Variants in RPS6KA2 observed in about 807,000 individuals in gnomAD.
The protein encoded by RPS6KA2 is ribosomal protein S6 kinase A2.
Under a neutral mutation model 91.8 loss-of-function variants are expected in RPS6KA2, and 42 were observed. The observed-to-expected ratio is 0.46, with a 90% confidence interval of 0.36 to 0.59. The LOEUF (loss-of-function observed/expected upper bound fraction) is 0.59, where lower values mean the gene tolerates loss of function less well. Among genes scored for constraint, RPS6KA2 ranks in the 20% least tolerant of loss-of-function variants. The pLI, the probability that RPS6KA2 is intolerant of heterozygous loss-of-function variation, is 0.00. For synonymous variants in RPS6KA2, 414 were observed against 393.6 expected (o/e 1.05, Z -0.61); for missense variants, 798 against 978.5 (o/e 0.82, Z 2.46).
At chr6:166,614,115 C>A (rs142407922) in intron 1 of RPS6KA2, among the ~76,000 whole-genome samples, 2 of 152,226 alleles carry the variant, frequency 1.3e-5, no homozygotes, top group Admixed American at 6.5e-5. Context: ...TTCAGCCCTG[C>A]GGAGATGTCT....
At chr6:166,790,479 C>G (rs913458238) in intron 2 of RPS6KA2, among the ~76,000 whole-genome samples, 4 of 152,104 alleles carry the variant, frequency 2.6e-5, no homozygotes, top group Non-Finnish European at 5.9e-5. Flanking sequence ...TCTAGCAAGG[C>G]AGGCCAACAT....
At chr6:166,775,383 G>GACA (rs1016615871) in intron 2 of RPS6KA2, among the ~76,000 whole-genome samples, 3 of 151,940 alleles carry the variant, frequency 2.0e-5, no homozygotes. Flanking sequence ...GGCAGCAGAG[G>GACA]ACACAGCAAG....
chr6:166,688,918 G>T (rs908734273), intron 2 of RPS6KA2, among the ~76,000 whole-genome samples: 6 of 152,236 alleles, frequency 3.9e-5, no homozygotes, highest in African/African-American at 1.4e-4. Context: ...AACAAAGTTA[G>T]AATGCCCTCA....
intron 2 of RPS6KA2, among the ~76,000 whole-genome samples, chr6:166,668,139 C>T (rs923743144): frequency 2.0e-5 from 3 of 152,192 alleles, no homozygotes; most frequent in African/African-American, 7.2e-5. Flanking sequence ...AGGAACAGGA[C>T]TGCAATGCCA....
At chr6:166,444,416 T>C (rs1208384868) in intron 14 of RPS6KA2, among the ~76,000 whole-genome samples, 1 of 152,224 alleles carries the variant, frequency 6.6e-6, no homozygotes, top group East Asian at 1.9e-4. Flanking sequence ...AGGCGGACTT[T>C]AGTTTTCCAT....
chr6:166,710,575 C>T (rs1054029882), intron 2 of RPS6KA2, among the ~76,000 whole-genome samples: 3 of 151,644 alleles, frequency 2.0e-5, no homozygotes, highest in Non-Finnish European at 4.4e-5. Flanking sequence ...TGTGTCTATG[C>T]CATCAAATAC....
At chr6:166,633,568 G>A (rs1393779326) in intron 2 of RPS6KA2, among the ~76,000 whole-genome samples, 1 of 152,234 alleles carries the variant, frequency 6.6e-6, no homozygotes, top group East Asian at 1.9e-4. Context: ...GATATACTGA[G>A]CAAGGCATTC....
intron 2 of RPS6KA2, among the ~76,000 whole-genome samples, chr6:166,804,359 T>C (rs965288925): frequency 3.3e-5 from 5 of 151,960 alleles, no homozygotes; most frequent in African/African-American, 9.6e-5. Flanking sequence ...TATTGTTTTG[T>C]CCATTAATTT....
rs1302151580 is a variant in RPS6KA2, at chr6:166,429,301, G to C, written c.1581+1152C>G. On this transcript the variant is annotated intron_variant, in intron 16 of 20. Transcript: ENST00000265678. ...GGGACTGTTGTGGGGTGGGGGGAGGGGGGGAGGGATAGCATTAGGAGATAT... is the reference window on the plus strand; with the variant it reads ...GGGACTGTTGTGGGGTGGGGGGAGGCGGGGAGGGATAGCATTAGGAGATAT... Among the ~76,000 whole-genome samples the C allele has an allele frequency of 8.4e-5, 10 of 119,662 alleles. No homozygotes were observed. In the South Asian group the frequency reaches 1.1e-3, roughly 13 times the overall value. The allele number at this position is 119,662 out of a possible 152,430, so 78.5% of individuals were successfully genotyped here.
intron 1 of RPS6KA2, among the ~76,000 whole-genome samples, chr6:166,543,829 GTGT>G (rs1360877520): frequency 1.3e-5 from 2 of 152,192 alleles, no homozygotes; most frequent in Non-Finnish European, 2.9e-5. Flanking sequence ...GTGCACGTGT[GTGT>G]GCGCATGTGT....
intron 2 of RPS6KA2, among the ~76,000 whole-genome samples, chr6:166,657,576 T>C (rs1409162382): frequency 6.6e-6 from 1 of 152,206 alleles, no homozygotes; most frequent in East Asian, 1.9e-4. Context: ...GTTATTATGA[T>C]GGTTAATTTA....
chr6:166,786,263 T>C (rs575795844), intron 2 of RPS6KA2, among the ~76,000 whole-genome samples: 1 of 152,260 alleles, frequency 6.6e-6, no homozygotes, highest in Middle Eastern at 3.4e-3. Flanking sequence ...CCCAGAAAAA[T>C]GTCTTTAAAA....
chr6:166,861,336 C>T (rs1781042229), intron 1 of RPS6KA2, among the ~76,000 whole-genome samples: 1 of 149,496 alleles, frequency 6.7e-6, no homozygotes, highest in African/African-American at 2.4e-5. Context: ...ATTTGAGTTG[C>T]TATAAACACA....
intron 2 of RPS6KA2, among the ~76,000 whole-genome samples, chr6:166,720,537 A>G (rs1790143648): frequency 6.6e-6 from 1 of 152,214 alleles, no homozygotes; most frequent in South Asian, 2.1e-4. Flanking sequence ...TCTCTCCCCA[A>G]AAATAAAAGT....
intron 2 of RPS6KA2, among the ~76,000 whole-genome samples, chr6:166,798,931 C>T (rs934963718): frequency 1.3e-5 from 2 of 152,220 alleles, no homozygotes; most frequent in African/African-American, 4.8e-5. Context: ...GGAAACCAGC[C>T]TTCAGCAAAT....
chr6:166,600,495 C>T (rs919648222), intron 1 of RPS6KA2, among the ~76,000 whole-genome samples: 5 of 152,246 alleles, frequency 3.3e-5, no homozygotes, highest in Admixed American at 2.0e-4. Context: ...GATCTAAATT[C>T]ACCTGGTTTC....
intron 2 of RPS6KA2, among the ~76,000 whole-genome samples, chr6:166,720,098 A>T (rs897990247): frequency 6.6e-6 from 1 of 152,240 alleles, no homozygotes; most frequent in African/African-American, 2.4e-5. Context: ...TTATGTAAGG[A>T]TTCCTCATTG....
At chr6:166,786,919 A>G (rs763449963) in intron 2 of RPS6KA2, among the ~76,000 whole-genome samples, 4 of 152,194 alleles carry the variant, frequency 2.6e-5, no homozygotes, top group Non-Finnish European at 5.9e-5. Flanking sequence ...GAGGCCCGAG[A>G]TAGGTCAAAT....
intron 2 of RPS6KA2, among the ~76,000 whole-genome samples, chr6:166,808,415 T>C (rs945150543): frequency 2.6e-5 from 4 of 152,208 alleles, no homozygotes; most frequent in African/African-American, 7.2e-5. Context: ...GTACAATTGA[T>C]TATTATTACT....
Sources: gnomAD v4.1 joint callset for allele counts (sites outside exome capture counted in the v4.1 genomes callset) on GRCh38, gnomAD v4.1.1 for gene constraint, MANE v1.5 for transcripts, NCBI Gene and HGNC (gene_info 2026-07-23, HGNC 2026-07-21) for gene names.